COG6: variants seen among roughly 807,000 people sequenced by gnomAD.
COG6 encodes conserved oligomeric Golgi complex subunit 6.
COG6 carries 74 observed loss-of-function variants against 88.8 expected under a neutral mutation model. That is an observed-to-expected ratio of 0.83 (90% CI 0.69 to 1.01). The LOEUF is 1.01. COG6 is among the 50% of genes least tolerant of loss of function. COG6 has a pLI of 0.00. For missense variants in COG6, 800 were observed against 797.9 expected, an observed-to-expected ratio of 1.00 and a Z score of -0.03; for synonymous variants, 286 against 278.7, an observed-to-expected ratio of 1.03 and a Z score of -0.26.
At chr13:39,686,176 A>G (rs1876627996) in intron 8 of COG6, among the ~76,000 whole-genome samples, 1 of 152,220 alleles carries the variant, frequency 6.6e-6, no homozygotes. Context: ...TATATAGGTT[A>G]TTGACATAAT....
intron 18 of COG6, among the ~76,000 whole-genome samples, chr13:39,782,246 G>A (rs1297614445): frequency 1.3e-5 from 2 of 152,206 alleles, no homozygotes; most frequent in African/African-American, 4.8e-5. Context: ...AGCCAATATG[G>A]AGTAACAGGG....
chr13:39,777,176 ATAATGTAG>A (rs1418451011), intron 18 of COG6, among the ~76,000 whole-genome samples: 1 of 152,192 alleles, frequency 6.6e-6, no homozygotes, highest in Non-Finnish European at 1.5e-5. Flanking sequence ...GCAGGGCCTT[ATAATGTAG>A]TAGGGGAGAT....
At chr13:39,711,853 C>G (rs987341731) in intron 13 of COG6, among the ~76,000 whole-genome samples, 2 of 151,866 alleles carry the variant, frequency 1.3e-5, no homozygotes, top group Non-Finnish European at 2.9e-5. Flanking sequence ...GATGTGCATA[C>G]AGTTTTGTCT....
chr13:39,709,108 A>G (rs1406666824), intron 13 of COG6, among the ~76,000 whole-genome samples: 1 of 152,130 alleles, frequency 6.6e-6, no homozygotes. Context: ...AGTTGTCACT[A>G]TGTAATTGAG....
intron 8 of COG6, among the ~76,000 whole-genome samples, chr13:39,686,956 C>T (rs1232204257): frequency 6.6e-6 from 1 of 151,834 alleles, no homozygotes; most frequent in Non-Finnish European, 1.5e-5. Flanking sequence ...TCTCAAACTC[C>T]TGGGCTCCAG....
At chr13:39,742,901 T>G (rs558837160) in intron 18 of COG6, among the ~76,000 whole-genome samples, 1 of 152,246 alleles carries the variant, frequency 6.6e-6, no homozygotes, top group Admixed American at 6.5e-5. Flanking sequence ...CACAACAAAC[T>G]GTCTCTCAGA....
At chr13:39,679,128 C>T (rs892963151) in intron 5 of COG6, among the ~76,000 whole-genome samples, 1 of 152,050 alleles carries the variant, frequency 6.6e-6, no homozygotes, top group Non-Finnish European at 1.5e-5. Flanking sequence ...GAGTATACAA[C>T]AGATACATAA....
At chr13:39,699,282 A>G (rs1877441325) in intron 12 of COG6, among the ~76,000 whole-genome samples, 1 of 151,894 alleles carries the variant, frequency 6.6e-6, no homozygotes, top group African/African-American at 2.4e-5. Flanking sequence ...GAAATATTGA[A>G]AACATAGTAG....
At chr13:39,712,314 T>C (rs1878288577) in intron 13 of COG6, among the ~76,000 whole-genome samples, 1 of 152,198 alleles carries the variant, frequency 6.6e-6, no homozygotes, top group African/African-American at 2.4e-5. Flanking sequence ...ATTTTCCCTA[T>C]TAAATAGCAT....
intron 5 of COG6, among the ~76,000 whole-genome samples, chr13:39,679,182 G>A (rs61954200): frequency 6.6e-6 from 1 of 152,044 alleles, no homozygotes; most frequent in Admixed American, 6.6e-5. Flanking sequence ...AAGTAATAAG[G>A]TGTGTAATAC....
chr13:39,664,204 A>C (rs1049931862), intron 3 of COG6: 2 of 154,334 alleles, frequency 1.3e-5, no homozygotes, highest in African/African-American at 4.8e-5. Flanking sequence ...AAAATGACCC[A>C]GTGTCTTCAG....
chr13:39,750,801 G>A, intron 18 of COG6, 145 bp from the exon 19 acceptor site: 2 of 636,486 alleles, frequency 3.1e-6, no homozygotes, highest in African/African-American at 1.8e-5. Context: ...GATTAACTGT[G>A]TAGCCATATA....
intron 4 of COG6, among the ~76,000 whole-genome samples, chr13:39,675,373 CAAT>C (rs1371976388): frequency 1.3e-5 from 2 of 152,112 alleles, no homozygotes; most frequent in Non-Finnish European, 2.9e-5. Flanking sequence ...GACCATCTAA[CAAT>C]AACTTCCTGT....
chr13:39,774,858 C>T (rs1026492994), intron 18 of COG6, among the ~76,000 whole-genome samples: 2 of 152,128 alleles, frequency 1.3e-5, no homozygotes, highest in Non-Finnish European at 2.9e-5. Flanking sequence ...CAGGTGTGAG[C>T]CACCGCGCCT....
chr13:39,693,761 A>T (rs1292184374), intron 11 of COG6, among the ~76,000 whole-genome samples: 2 of 151,940 alleles, frequency 1.3e-5, no homozygotes, highest in Non-Finnish European at 1.5e-5. Flanking sequence ...TTGTTTTATG[A>T]CATATGCCAA....
At chr13:39,726,548 G>A (rs73179562) in intron 17 of COG6, among the ~76,000 whole-genome samples, 7,524 of 151,850 alleles carry the variant, frequency 0.05, 546 homozygotes, top group Admixed American at 0.22. Context: ...GCTGCAGTAG[G>A]TACCTAAGGT....
intron 3 of COG6, 98 bp downstream of exon 3, chr13:39,660,979 T>C (rs1161623796): frequency 1.2e-5 from 9 of 753,764 alleles, no homozygotes; most frequent in Non-Finnish European, 1.6e-5. Context: ...TAATGCCCTG[T>C]AGGAAATTTG....
At chr13:39,747,635 A>G (rs1217801650) in intron 18 of COG6, among the ~76,000 whole-genome samples, 1 of 152,172 alleles carries the variant, frequency 6.6e-6, no homozygotes, top group African/African-American at 2.4e-5. Flanking sequence ...ACACTCGTTT[A>G]GTTTTAACTG....
intron 4 of COG6, among the ~76,000 whole-genome samples, chr13:39,667,961 G>A (rs1021642320): frequency 1.3e-5 from 2 of 152,068 alleles, no homozygotes; most frequent in African/African-American, 4.8e-5. Flanking sequence ...TTGACTTAAC[G>A]ATAAGCAAGA....
Sources: gnomAD v4.1 joint callset for allele counts (sites outside exome capture counted in the v4.1 genomes callset) on GRCh38, gnomAD v4.1.1 for gene constraint, MANE v1.5 for transcripts, NCBI Gene and HGNC (gene_info 2026-07-23, HGNC 2026-07-21) for gene names.